TBC1D14: variants seen among roughly 807,000 people sequenced by gnomAD.
TBC1D14 encodes TBC1 domain family member 14.
In TBC1D14, 26 loss-of-function variants were observed where a neutral mutation model predicts 79.0. The ratio of observed to expected loss-of-function variants is 0.33; its 90% CI spans 0.24 to 0.46. The LOEUF (loss-of-function observed/expected upper bound fraction) is 0.46, where lower values mean the gene tolerates loss of function less well. Ranked by LOEUF, TBC1D14 falls within the 20% of genes least tolerant of loss-of-function variation. TBC1D14 has a pLI of 1.00. For synonymous variants in TBC1D14, 394 were observed against 349.9 expected, an observed-to-expected ratio of 1.13 and a Z score of -1.40; for missense variants, 769 against 887.6, an observed-to-expected ratio of 0.87 and a Z score of 1.70.
intron 12 of TBC1D14, among the ~76,000 whole-genome samples, chr4:7,022,630 C>T (rs922165429): frequency 3.9e-5 from 6 of 152,090 alleles, no homozygotes; most frequent in African/African-American, 1.4e-4. Context: ...ACGGCGTCAG[C>T]AGTAAGCATG....
At chr4:6,955,213 G>A (rs1476346481) in intron 2 of TBC1D14, among the ~76,000 whole-genome samples, 9 of 152,230 alleles carry the variant, frequency 5.9e-5, no homozygotes, top group Admixed American at 1.3e-4. Flanking sequence ...CTATGAATGT[G>A]TGTGGCAATG....
intron 12 of TBC1D14, among the ~76,000 whole-genome samples, chr4:7,019,669 G>C (rs994340394): frequency 5.9e-5 from 9 of 152,268 alleles, no homozygotes; most frequent in African/African-American, 2.2e-4. Context: ...CCCCTGCCAA[G>C]TGCTGGGACA....
chr4:6,970,039 T>C (rs1166328488), intron 3 of TBC1D14, among the ~76,000 whole-genome samples: 1 of 152,118 alleles, frequency 6.6e-6, no homozygotes, highest in Non-Finnish European at 1.5e-5. Context: ...GCTGCTGTCA[T>C]AGGCATGGGC....
In TBC1D14 at chr4:6,994,203, G is replaced by A; in HGVS notation, c.863G>A (p.Gly288Glu). The change falls in exon 4 of 14, where the codon GGA (glycine) becomes GAA (glutamate). Residue 288 changes from glycine (G) to glutamate (E), a missense_variant. Transcript: ENST00000409757. The stretch of plus-strand genomic sequence containing the variant: ...TCCTAGGAATATGAAGACAAGGCTG[G>A]AAGACCTAGCAAGCCACCCTCTCCA... ...RIQKEYEDKA[G>E]RPSKPPSPKQ... 1 of 1,614,166 alleles carries A rather than the reference G, an allele frequency of 6.2e-7. No individual in the cohort carries two copies. Among genetic ancestry groups the A allele is most frequent in the Non-Finnish European group, 8.5e-7 (1 of 1,180,032 alleles).
chr4:6,937,305 G>A (rs10009332), intron 2 of TBC1D14, among the ~76,000 whole-genome samples: 65,310 of 152,018 alleles, frequency 0.43, 15,286 homozygotes, highest in East Asian at 0.66. Flanking sequence ...GTTGGGAGGC[G>A]TAAGATCAAG....
chr4:6,987,303 G>A (rs970096428), intron 3 of TBC1D14: 14 of 1,374,546 alleles, frequency 1.0e-5, no homozygotes, highest in African/African-American at 1.5e-5. Context: ...TCCGCTCGCT[G>A]GGCATGGAGC....
intron 1 of TBC1D14, among the ~76,000 whole-genome samples, chr4:6,921,666 G>C (rs889117232): frequency 5.7e-5 from 8 of 139,408 alleles, no homozygotes; most frequent in African/African-American, 1.1e-4. Context: ...AGCTGGGATT[G>C]TAGGCATGCA....
At chr4:6,994,102 T>C in intron 3 of TBC1D14, 82 bp from the exon 4 acceptor site, 3 of 1,255,974 alleles carry the variant, frequency 2.4e-6, no homozygotes, top group Non-Finnish European at 3.5e-6. Flanking sequence ...AAGAGTTTCA[T>C]GACAAAACAA....
intron 3 of TBC1D14, among the ~76,000 whole-genome samples, chr4:6,970,288 G>C (rs540414053): frequency 6.6e-6 from 1 of 152,334 alleles, no homozygotes; most frequent in South Asian, 2.1e-4. Flanking sequence ...CTACGGTTTG[G>C]TTGTGTGACT....
chr4:6,984,730 C>G (rs574616056), intron 3 of TBC1D14, among the ~76,000 whole-genome samples: 2 of 152,296 alleles, frequency 1.3e-5, no homozygotes, highest in East Asian at 1.9e-4. Flanking sequence ...ATTGCATAGA[C>G]ATGATGTAAT....
intron 9 of TBC1D14, among the ~76,000 whole-genome samples, chr4:7,008,253 T>C (rs1720407971): frequency 6.6e-6 from 1 of 152,232 alleles, no homozygotes; most frequent in African/African-American, 2.4e-5. Context: ...CAAAGAAGTT[T>C]CTTCCCAGGT....
chr4:6,935,816 G>T (rs2108959645), intron 2 of TBC1D14, among the ~76,000 whole-genome samples: 1 of 151,934 alleles, frequency 6.6e-6, no homozygotes, highest in South Asian at 2.1e-4. Context: ...GCTAATTTTT[G>T]TATTTTTAGT....
At chr4:6,965,648 A>G (rs779483595) in intron 2 of TBC1D14, among the ~76,000 whole-genome samples, 1 of 152,178 alleles carries the variant, frequency 6.6e-6, no homozygotes, top group Non-Finnish European at 1.5e-5. Context: ...TTCCAATGAT[A>G]TCGCCTTAGC....
intron 3 of TBC1D14, among the ~76,000 whole-genome samples, chr4:6,968,710 G>A (rs539654717): frequency 2.0e-5 from 3 of 152,252 alleles, no homozygotes; most frequent in Admixed American, 1.3e-4. Context: ...GCTGACTGCC[G>A]GGAGGAGGCT....
At chr4:6,920,774 C>T (rs962950555) in intron 1 of TBC1D14, among the ~76,000 whole-genome samples, 1 of 152,040 alleles carries the variant, frequency 6.6e-6, no homozygotes, top group Admixed American at 6.6e-5. Flanking sequence ...TTGAATGCAC[C>T]ACCTGATTTC....
chr4:7,012,058 T>G (rs376156748), intron 11 of TBC1D14, among the ~76,000 whole-genome samples: 1 of 151,728 alleles, frequency 6.6e-6, no homozygotes, highest in East Asian at 2.0e-4. Context: ...CCCAGCACTT[T>G]GGGAGGCCGA....
rs1723102346 is a variant in TBC1D14, at chr4:7,031,993, C to T, written c.*1601C>T. On this transcript the variant is annotated 3_prime_UTR_variant, in exon 14 of 14. Coordinates refer to ENST00000409757, the MANE Select transcript of TBC1D14 (RefSeq NM_020773.3). Reference sequence around the variant, plus strand: ...AGCAGGTTGCTGAGCCAGTGGCTGCCCCGTGCCCTCCTTCCCAGCACTATC... The same window carrying T: ...AGCAGGTTGCTGAGCCAGTGGCTGCTCCGTGCCCTCCTTCCCAGCACTATC... 1 of 152,364 alleles carries T rather than the reference C, an allele frequency of 6.6e-6. No individual in the cohort carries two copies. Among genetic ancestry groups the T allele is most frequent in the African/African-American group, 2.4e-5 (1 of 41,462 alleles). 9.4% of individuals were successfully genotyped at this position (152,364 alleles called of 1,614,324 possible). A position where few individuals can be genotyped will look rare whatever the true frequency, so the allele number is the denominator to read the frequency against.
At chr4:7,018,677 C>T (rs557417287) in intron 12 of TBC1D14, among the ~76,000 whole-genome samples, 2 of 152,312 alleles carry the variant, frequency 1.3e-5, no homozygotes, top group African/African-American at 4.8e-5. Context: ...CTTCCAACAC[C>T]GCCTTCCTGG....
intron 2 of TBC1D14, among the ~76,000 whole-genome samples, chr4:6,943,804 G>T (rs575967791): frequency 1.3e-5 from 2 of 152,316 alleles, no homozygotes; most frequent in African/African-American, 4.8e-5. Flanking sequence ...CAGGTGGTCA[G>T]CAGATAACCT....
Sources: gnomAD v4.1 joint callset for allele counts (sites outside exome capture counted in the v4.1 genomes callset) on GRCh38, gnomAD v4.1.1 for gene constraint, MANE v1.5 for transcripts, NCBI Gene and HGNC (gene_info 2026-07-23, HGNC 2026-07-21) for gene names.